Variants in PSD3 observed in about 807,000 individuals in gnomAD.
PSD3 encodes PH and SEC7 domain-containing protein 3.
PSD3 carries 49 observed loss-of-function variants against 105.5 expected under a neutral mutation model. The observed-to-expected ratio is 0.46, with a 90% CI of 0.37 to 0.59. PSD3 has a LOEUF of 0.59. Ranked by LOEUF, PSD3 falls within the 20% of genes least tolerant of loss-of-function variation. The probability of loss-of-function intolerance (pLI) is 0.00; values close to 1 mark genes in which losing one functional copy is unlikely to be tolerated. For synonymous variants in PSD3, 557 were observed against 457.8 expected (o/e 1.22, Z -2.77); for missense variants, 1,561 against 1,263.8 (o/e 1.24, Z -3.57).
At chr8:18,929,119 T>C (rs1424289048) in intron 2 of PSD3, among the ~76,000 whole-genome samples, 3 of 152,174 alleles carry the variant, frequency 2.0e-5, no homozygotes, top group Non-Finnish European at 4.4e-5. Flanking sequence ...TGTATCTCAA[T>C]AAAGTTATTT....
intron 9 of PSD3, among the ~76,000 whole-genome samples, chr8:18,662,565 A>C (rs1035220300): frequency 1.3e-5 from 2 of 152,192 alleles, no homozygotes; most frequent in East Asian, 3.9e-4. Flanking sequence ...TGGGTGGGGC[A>C]CCTATCACTG....
Position 18,802,732 on chromosome 8 carries a change from G to A in PSD3, c.1911-1350C>T, listed in dbSNP as rs532189106. Among the ~76,000 whole-genome samples the A allele has an allele frequency of 3.3e-4, 50 of 152,232 alleles. No individual in the cohort carries two copies. In the Middle Eastern group the frequency reaches 0.017, roughly 52 times the overall value. On this transcript the variant is annotated intron_variant, in intron 6 of 15. Coordinates refer to ENST00000327040, the MANE Select transcript of PSD3 (RefSeq NM_015310.4). ...GTAAAATTAAAGGGTTACACTAGAT[G>A]ATCTCAGAATTCTTCCAGACATGGA...
chr8:18,757,492 C>T (rs781390662), intron 9 of PSD3, among the ~76,000 whole-genome samples: 5 of 151,814 alleles, frequency 3.3e-5, no homozygotes, highest in Non-Finnish European at 5.9e-5. Context: ...ACATTAACTG[C>T]GTAGAGAAAA....
In PSD3 at chr8:18,806,829, G is replaced by A. The variant is rs150221551; in HGVS notation, c.1635-1931C>T. On this transcript the variant is annotated intron_variant, in intron 4 of 15. Coordinates refer to ENST00000327040, the MANE Select transcript of PSD3 (RefSeq NM_015310.4). ...AACCAGGACACTCTAAAGGGGAAAC[G>A]GAGATAATAAATCCTTAAATATTCT... Among the ~76,000 whole-genome samples the A allele has an allele frequency of 2.8e-3, 431 of 152,190 alleles. 1 individual carries two copies. Among genetic ancestry groups the A allele is most frequent in the Middle Eastern group, 0.014 (4 of 294 alleles).
rs5889802 is a variant in PSD3 at position 18,535,649 on chromosome 8, CT to C, written c.*93del. 3,091 of 860,312 alleles carry C rather than the reference CT, an allele frequency of 3.6e-3. 6 individuals carry two copies. The highest frequency in any genetic ancestry group is 0.019 in the African/African-American group (1,121 of 58,548). The allele number at this position is 860,312 out of a possible 1,614,324, so 53.3% of individuals were successfully genotyped here. The stretch of plus-strand genomic sequence containing the variant: ...TACTAATGCACCGTTTTGTCACAGA[CT>C]TTTTTTTTTTAAATATATTCACGGA... On this transcript the variant is annotated 3_prime_UTR_variant, in exon 16 of 16. Coordinates refer to ENST00000327040, the MANE Select transcript of PSD3 (RefSeq NM_015310.4).
chr8:18,882,287 A>G (rs946944763), intron 2 of PSD3, among the ~76,000 whole-genome samples: 12 of 152,292 alleles, frequency 7.9e-5, no homozygotes, highest in Admixed American at 2.6e-4. Flanking sequence ...GCAAAACACT[A>G]TATGTTAGTG....
intron 1 of PSD3, among the ~76,000 whole-genome samples, chr8:19,024,518 C>T (rs1218014415): frequency 1.3e-5 from 2 of 152,182 alleles, no homozygotes; most frequent in East Asian, 3.9e-4. Context: ...GTTTCTAAAA[C>T]CCTTGGAATT....
intron 15 of PSD3, among the ~76,000 whole-genome samples, chr8:18,546,133 T>A (rs1800437171): frequency 6.6e-6 from 1 of 152,096 alleles, no homozygotes; most frequent in Non-Finnish European, 1.5e-5. Context: ...GTAGATGGGA[T>A]TACAGGTGCC....
rs184210422 is a variant in PSD3, at chr8:18,963,068, G to A, written c.22-26926C>T. Reference sequence around the variant, plus strand: ...AGGTCTCAGAATCATGGTGGGAGGCGAAAGGCACTTCTTACATGGCAGCGG... The same window carrying A: ...AGGTCTCAGAATCATGGTGGGAGGCAAAAGGCACTTCTTACATGGCAGCGG... On this transcript the variant is annotated intron_variant, in intron 1 of 15. Coordinates refer to ENST00000327040, the MANE Select transcript of PSD3 (RefSeq NM_015310.4). 5.1e-4 allele frequency among the ~76,000 whole-genome samples: 77 copies of A among 152,286 alleles called. 1 individual carries two copies. The highest frequency in any genetic ancestry group is 6.8e-3 in the Middle Eastern group (2 of 294).
chr8:18,663,420 T>C (rs1350820839), intron 9 of PSD3, among the ~76,000 whole-genome samples: 1 of 151,118 alleles, frequency 6.6e-6, no homozygotes, highest in Non-Finnish European at 1.5e-5. Context: ...AATGAGACTT[T>C]GTCTCAAAAA....
chr8:18,793,821 C>T (rs1002647384), intron 8 of PSD3, among the ~76,000 whole-genome samples: 1 of 152,098 alleles, frequency 6.6e-6, no homozygotes, highest in Non-Finnish European at 1.5e-5. Context: ...TTAACAGCTG[C>T]CAGTTACAAT....
intron 15 of PSD3, among the ~76,000 whole-genome samples, chr8:18,552,507 C>T (rs1419732741): frequency 1.3e-5 from 2 of 152,136 alleles, no homozygotes; most frequent in African/African-American, 2.4e-5. Context: ...AGGTGTTTTC[C>T]AGAACAGCTC....
intron 8 of PSD3, among the ~76,000 whole-genome samples, chr8:18,781,257 T>C (rs777411768): frequency 6.6e-6 from 1 of 152,336 alleles, no homozygotes; most frequent in South Asian, 2.1e-4. Context: ...GTAAATGTTA[T>C]TGTACTTGCT....
Position 18,898,356 on chromosome 8 carries a change from CTTCT to C in PSD3, c.131-25627_131-25624del, listed in dbSNP as rs1819286698. Among the ~76,000 whole-genome samples, 11 of 152,138 alleles carry C rather than the reference CTTCT, an allele frequency of 7.2e-5. 1 individual carries two copies. In the South Asian group the frequency reaches 2.3e-3, roughly 32 times the overall value. ...GATCCTGTTATCACTGTATAATGAC[CTTCT>C]TTGTCTCTTTTTACATGAGTTTACT... On this transcript the variant is annotated intron_variant, in intron 2 of 15. Coordinates refer to ENST00000327040, the MANE Select transcript of PSD3 (RefSeq NM_015310.4).
intron 9 of PSD3, among the ~76,000 whole-genome samples, chr8:18,741,477 A>G (rs1024804185): frequency 6.6e-6 from 1 of 152,188 alleles, no homozygotes; most frequent in Non-Finnish European, 1.5e-5. Context: ...TTAAAATCTT[A>G]GAATTTCAGT....
intron 1 of PSD3, among the ~76,000 whole-genome samples, chr8:18,965,162 T>G (rs974808924): frequency 1.3e-5 from 2 of 152,198 alleles, no homozygotes; most frequent in Non-Finnish European, 2.9e-5. Context: ...AATTCTGCCA[T>G]CCCAAATAGC....
chr8:18,776,243 T>C (rs1808059281), intron 8 of PSD3, among the ~76,000 whole-genome samples: 1 of 148,178 alleles, frequency 6.7e-6, no homozygotes, highest in African/African-American at 2.5e-5. Flanking sequence ...TTGGTTACCA[T>C]GGCTCTCTCT....
chr8:18,763,374 G>A (rs1417458015), intron 9 of PSD3, among the ~76,000 whole-genome samples: 3 of 152,098 alleles, frequency 2.0e-5, no homozygotes, highest in African/African-American at 7.2e-5. Context: ...CAAAGAAAGA[G>A]AGAATGACCA....
chr8:18,931,883 T>C (rs2129468599), intron 2 of PSD3, among the ~76,000 whole-genome samples: 1 of 152,120 alleles, frequency 6.6e-6, no homozygotes, highest in African/African-American at 2.4e-5. Flanking sequence ...AATCTGAGAG[T>C]TGGTTTTCCT....
Sources: allele counts gnomAD v4.1 joint callset (sites outside exome capture counted in the v4.1 genomes callset), GRCh38; gene constraint gnomAD v4.1.1; transcripts MANE v1.5; gene names NCBI Gene and HGNC (gene_info 2026-07-23, HGNC 2026-07-21).